Variants in SUMF1 observed in about 807,000 individuals in gnomAD.
SUMF1 encodes the protein sulfatase modifying factor 1, also known as formylglycine-generating enzyme.
Under a neutral mutation model 47.6 loss-of-function variants are expected in SUMF1, and 48 were observed. That is an observed-to-expected ratio of 1.01 (90% CI 0.80 to 1.28). The LOEUF (loss-of-function observed/expected upper bound fraction) is 1.28. Among genes scored for constraint, SUMF1 ranks in the 50% most tolerant of loss-of-function variants. The probability of loss-of-function intolerance (pLI) is 0.00; values close to 1 mark genes in which losing one functional copy is unlikely to be tolerated. For synonymous variants in SUMF1, 230 were observed against 192.1 expected, an observed-to-expected ratio of 1.20 and a Z score of -1.63; for missense variants, 571 against 485.4, an observed-to-expected ratio of 1.18 and a Z score of -1.66.
intron 8 of SUMF1, among the ~76,000 whole-genome samples, chr3:4,220,414 T>C (rs1234214399): frequency 6.6e-6 from 1 of 152,034 alleles, no homozygotes; most frequent in Non-Finnish European, 1.5e-5. Context: ...ACCCTCCAGG[T>C]TTTTCATGTG....
At chr3:4,433,973 A>G (rs1702316507) in intron 3 of SUMF1, among the ~76,000 whole-genome samples, 1 of 152,244 alleles carries the variant, frequency 6.6e-6, no homozygotes, top group Admixed American at 6.5e-5. Flanking sequence ...AAGGAAGGAC[A>G]TTCTGATACA....
At chr3:4,302,068 G>T (rs796855599) in intron 8 of SUMF1, among the ~76,000 whole-genome samples, 4 of 152,186 alleles carry the variant, frequency 2.6e-5, no homozygotes, top group African/African-American at 9.6e-5. Context: ...TTAGGCCAAT[G>T]GGACCTCAGA....
At chr3:4,436,845 A>G (rs1331761857) in intron 3 of SUMF1, among the ~76,000 whole-genome samples, 1 of 131,574 alleles carries the variant, frequency 7.6e-6, no homozygotes, top group East Asian at 2.1e-4. Context: ...CCAGAGCTGC[A>G]TCACCTAAAA....
chr3:4,305,720 T>A (rs1698164955), intron 8 of SUMF1, among the ~76,000 whole-genome samples: 1 of 152,178 alleles, frequency 6.6e-6, no homozygotes, highest in Admixed American at 6.5e-5. Flanking sequence ...AAATTAAAAC[T>A]CCTCTGATGA....
chr3:4,390,778 T>C (rs1018469711), intron 7 of SUMF1, among the ~76,000 whole-genome samples: 4 of 152,140 alleles, frequency 2.6e-5, no homozygotes, highest in Non-Finnish European at 5.9e-5. Context: ...AGACCAGGTT[T>C]TGTCATGTTG....
chr3:4,280,433 T>A (rs1417234550), intron 8 of SUMF1, among the ~76,000 whole-genome samples: 1 of 151,862 alleles, frequency 6.6e-6, no homozygotes, highest in Non-Finnish European at 1.5e-5. Context: ...GGTCTAGAGG[T>A]ACTGAACTTG....
chr3:4,198,168 TG>T (rs1400963243), intron 8 of SUMF1, among the ~76,000 whole-genome samples: 1 of 152,068 alleles, frequency 6.6e-6, no homozygotes, highest in African/African-American at 2.4e-5. Context: ...CCTTACTCAT[TG>T]GCAGTGAAGG....
intron 8 of SUMF1, among the ~76,000 whole-genome samples, chr3:4,071,491 T>G (rs1431321250): frequency 6.6e-6 from 1 of 152,198 alleles, no homozygotes; most frequent in Non-Finnish European, 1.5e-5. Context: ...ACCAGGAGAT[T>G]CCCTATGGTG....
At chr3:4,232,903 G>A (rs1432000436) in intron 8 of SUMF1, among the ~76,000 whole-genome samples, 1 of 152,076 alleles carries the variant, frequency 6.6e-6, no homozygotes, top group Non-Finnish European at 1.5e-5. Flanking sequence ...GAGTCATTGG[G>A]TTACAGTCCT....
At chr3:4,129,621 T>A (rs1693738363) in intron 8 of SUMF1, among the ~76,000 whole-genome samples, 1 of 152,054 alleles carries the variant, frequency 6.6e-6, no homozygotes, top group South Asian at 2.1e-4. Flanking sequence ...ATACAGTGAA[T>A]CTTTCTGCCA....
intron 7 of SUMF1, among the ~76,000 whole-genome samples, chr3:4,410,015 A>G (rs759735361): frequency 9.9e-5 from 15 of 152,242 alleles, no homozygotes; most frequent in Non-Finnish European, 1.5e-4. Context: ...AATTAAGCAC[A>G]TCAAGTAACC....
At chr3:4,066,659 C>A (rs778785384) in intron 9 of SUMF1, among the ~76,000 whole-genome samples, 1 of 152,134 alleles carries the variant, frequency 6.6e-6, no homozygotes, top group African/African-American at 2.4e-5. Flanking sequence ...TATACACCCC[C>A]AACCCCATTT....
At chr3:4,215,320 G>C (rs547868175) in intron 8 of SUMF1, among the ~76,000 whole-genome samples, 38 of 152,278 alleles carry the variant, frequency 2.5e-4, no homozygotes, top group African/African-American at 8.7e-4. Flanking sequence ...AATAGATGCA[G>C]AAAAGGTCTT....
In SUMF1 at chr3:4,073,984, C is replaced by T. The variant is rs531904289; in HGVS notation, c.1015-5239G>A. On this transcript the variant is annotated intron_variant and NMD_transcript_variant, in intron 8 of 12. Transcript: ENST00000448413. ...GACTTGAAATCAGCTCTGGACCATG[C>T]GGACCTAATAGACATCTACCAAACT... is the stretch of plus-strand genomic sequence containing the variant. Among the ~76,000 whole-genome samples, 441 of 152,220 alleles carry T rather than the reference C, an allele frequency of 2.9e-3. 2 individuals are homozygous for T. The highest frequency in any genetic ancestry group is 9.2e-3 in the African/African-American group (384 of 41,514).
At chr3:4,067,174 T>C (rs905176364) in intron 9 of SUMF1, among the ~76,000 whole-genome samples, 2 of 152,168 alleles carry the variant, frequency 1.3e-5, no homozygotes, top group Non-Finnish European at 2.9e-5. Flanking sequence ...TAGTCTTTCT[T>C]TGGGCATTAG....
rs563309600 is a variant in SUMF1, at chr3:4,144,263, G to A, written c.1015-75518C>T. On this transcript the variant is annotated intron_variant and NMD_transcript_variant, in intron 8 of 12. Coordinates refer to the SUMF1 transcript ENST00000448413. ...ATTATAGGCATGAGCCATAGCACTCGGCCCACTTTCTTCTTATAGTGGTAG... is the reference window on the plus strand; with the variant it reads ...ATTATAGGCATGAGCCATAGCACTCAGCCCACTTTCTTCTTATAGTGGTAG... 5.0e-4 allele frequency among the ~76,000 whole-genome samples: 76 copies of A among 152,062 alleles called. 1 individual carries two copies. Among genetic ancestry groups the A allele is most frequent in the East Asian group, 1.5e-3 (8 of 5,170 alleles).
At chr3:4,158,272 T>C (rs1380561091) in intron 8 of SUMF1, among the ~76,000 whole-genome samples, 4 of 151,722 alleles carry the variant, frequency 2.6e-5, no homozygotes, top group Non-Finnish European at 5.9e-5. Flanking sequence ...CCTCTTGTTA[T>C]TGACTTCTAG....
At chr3:4,066,718 C>T (rs1419983101) in intron 9 of SUMF1, among the ~76,000 whole-genome samples, 1 of 152,118 alleles carries the variant, frequency 6.6e-6, no homozygotes, top group Admixed American at 6.6e-5. Context: ...ATCTTCCCGG[C>T]CGATGTCACC....
At chr3:4,071,356 T>A (rs1695520710) in intron 8 of SUMF1, among the ~76,000 whole-genome samples, 1 of 152,114 alleles carries the variant, frequency 6.6e-6, no homozygotes, top group Non-Finnish European at 1.5e-5. Flanking sequence ...TCGCCTCACC[T>A]GAAACACCAG....
Sources: allele counts gnomAD v4.1 joint callset (sites outside exome capture counted in the v4.1 genomes callset), GRCh38; gene constraint gnomAD v4.1.1; transcripts MANE v1.5; gene names NCBI Gene and HGNC (gene_info 2026-07-23, HGNC 2026-07-21).